Variants in OSGIN2 observed in about 807,000 individuals in gnomAD.
OSGIN2 encodes the protein oxidative stress induced growth inhibitor family member 2, also known as oxidative stress-induced growth inhibitor 2.
Under a neutral mutation model 53.8 loss-of-function variants are expected in OSGIN2, and 19 were observed. The observed-to-expected ratio is 0.35, with a 90% CI of 0.25 to 0.52. OSGIN2 has a LOEUF of 0.52. Among genes scored for constraint, OSGIN2 ranks in the 20% least tolerant of loss-of-function variants. OSGIN2 has a pLI of 0.95. For synonymous variants in OSGIN2, 236 were observed against 236.0 expected (o/e 1.00, Z 0.00); for missense variants, 520 against 662.7 (o/e 0.78, Z 2.36).
intron 5 of OSGIN2, among the ~76,000 whole-genome samples, chr8:89,922,109 A>G (rs574491165): frequency 2.6e-4 from 40 of 152,366 alleles, no homozygotes; most frequent in Admixed American, 1.7e-3. Context: ...TAAATATTAG[A>G]TAAGAATTAC....
At chr8:89,909,406 G>A (rs1399607879) in intron 1 of OSGIN2, among the ~76,000 whole-genome samples, 161 bp from the exon 2 acceptor site, 3 of 152,244 alleles carry the variant, frequency 2.0e-5, no homozygotes, top group East Asian at 1.9e-4. Context: ...GACATGTAGC[G>A]AAGCTACTAA....
intron 2 of OSGIN2, among the ~76,000 whole-genome samples, chr8:89,912,404 T>C (rs1309879572): frequency 2.0e-5 from 3 of 152,126 alleles, no homozygotes; most frequent in East Asian, 1.9e-4. Flanking sequence ...AGTAAAGAAG[T>C]TGACACAAGG....
chr8:89,903,486 C>T (rs1269526780), intron 1 of OSGIN2, among the ~76,000 whole-genome samples: 1 of 152,174 alleles, frequency 6.6e-6, no homozygotes, highest in Non-Finnish European at 1.5e-5. Context: ...GATTTTAACC[C>T]TGGGGTGAAG....
At chr8:89,913,986 G>A (rs1809023533) in intron 2 of OSGIN2, 91 bp from the exon 3 acceptor site, 1 of 1,063,188 alleles carries the variant, frequency 9.4e-7, no homozygotes, top group Admixed American at 2.3e-5. Context: ...ACTGGTCAGA[G>A]AAAAGAGCCA....
At chr8:89,907,173 G>T (rs1477530085) in intron 1 of OSGIN2, among the ~76,000 whole-genome samples, 2 of 152,108 alleles carry the variant, frequency 1.3e-5, no homozygotes, top group Non-Finnish European at 2.9e-5. Context: ...TTTGTTGGAT[G>T]CATAGTTTGC....
intron 1 of OSGIN2, among the ~76,000 whole-genome samples, chr8:89,907,745 T>C (rs542184264): frequency 4.3e-4 from 65 of 152,346 alleles, no homozygotes; most frequent in Non-Finnish European, 6.5e-4. Context: ...ATTTAGGCTC[T>C]TTTTTGGTTT....
At chr8:89,914,052 C>G in intron 2 of OSGIN2, 25 bp from the exon 3 acceptor site, 1 of 1,604,136 alleles carries the variant, frequency 6.2e-7, no homozygotes, top group Non-Finnish European at 8.5e-7. Context: ...ATGACCTACC[C>G]CTTTCCACCT....
At chr8:89,906,417 C>A (rs968511524) in intron 1 of OSGIN2, among the ~76,000 whole-genome samples, 1 of 152,150 alleles carries the variant, frequency 6.6e-6, no homozygotes, top group Non-Finnish European at 1.5e-5. Context: ...TTTCTTGATC[C>A]TCTCCCTCCT....
At chr8:89,919,790 C>T (rs1313060956) in intron 4 of OSGIN2, among the ~76,000 whole-genome samples, 1 of 152,190 alleles carries the variant, frequency 6.6e-6, no homozygotes, top group African/African-American at 2.4e-5. Flanking sequence ...GGAATATTTT[C>T]CCTTTCTAAT....
At chr8:89,901,911 G>C (rs1226944472), upstream of OSGIN2, 1 of 152,306 alleles carries the variant, frequency 6.6e-6, no homozygotes, top group Non-Finnish European at 1.5e-5. Flanking sequence ...CCGGCGTGCT[G>C]GTAATTCCTA....
At chr8:89,917,617 T>C (rs1392905331) in intron 4 of OSGIN2, among the ~76,000 whole-genome samples, 1 of 152,218 alleles carries the variant, frequency 6.6e-6, no homozygotes, top group African/African-American at 2.4e-5. Flanking sequence ...TAACCTTTGA[T>C]ATTTCCTTAT....
chr8:89,903,003 T>G (rs1175866490), intron 1 of OSGIN2, among the ~76,000 whole-genome samples, 166 bp downstream of exon 1: 1 of 151,494 alleles, frequency 6.6e-6, no homozygotes, highest in Non-Finnish European at 1.5e-5. Flanking sequence ...GGGTGCGGTG[T>G]GGTGGGGTCC....
intron 2 of OSGIN2, 54 bp from the exon 3 acceptor site, chr8:89,914,023 A>G: frequency 6.6e-7 from 1 of 1,511,738 alleles, no homozygotes; most frequent in Non-Finnish European, 9.1e-7. Context: ...AAAGCCAAGG[A>G]ACAAGAGTAT....
At chr8:89,917,038 TCC>T (rs1384589474) in intron 4 of OSGIN2, among the ~76,000 whole-genome samples, 1 of 152,214 alleles carries the variant, frequency 6.6e-6, no homozygotes, top group Non-Finnish European at 1.5e-5. Context: ...CCAGACTGTC[TCC>T]AGTTACTGAA....
Position 89,902,851 on chromosome 8 carries a change from C to T in OSGIN2, c.44+14C>T, listed in dbSNP as rs1435464214. ...CGGTCATTTCAGGTGACTTCCTCGC[C>T]GGGGATGGGAGGGGAGCAGGCGGGG... On this transcript the variant is annotated intron_variant, in intron 1 of 5. Transcript: ENST00000451899. The T allele has an allele frequency of 2.9e-6, 4 of 1,377,376 alleles. No homozygotes were observed. Among genetic ancestry groups the T allele is most frequent in the Admixed American group, 2.5e-5 (1 of 40,508 alleles). 85.3% of individuals were successfully genotyped at this position (1,377,376 alleles called of 1,614,324 possible).
At chr8:89,919,739 G>T (rs1205753557) in intron 4 of OSGIN2, among the ~76,000 whole-genome samples, 1 of 152,154 alleles carries the variant, frequency 6.6e-6, no homozygotes, top group African/African-American at 2.4e-5. Flanking sequence ...ACTCATATTT[G>T]CTCTCTTTAT....
chr8:89,912,296 A>G (rs547510091), intron 2 of OSGIN2, among the ~76,000 whole-genome samples: 1 of 152,376 alleles, frequency 6.6e-6, no homozygotes. Context: ...AAGCAATATC[A>G]GGATTTAGGA....
At chr8:89,902,983 G>A (rs1808757208) in intron 1 of OSGIN2, 146 bp downstream of exon 1, 3 of 386,444 alleles carry the variant, frequency 7.8e-6, no homozygotes, top group Non-Finnish European at 1.3e-5. Flanking sequence ...CCTGGCGTGG[G>A]GGTGGGGTGG....
chr8:89,909,147 A>G (rs543403010), intron 1 of OSGIN2, among the ~76,000 whole-genome samples: 116 of 150,702 alleles, frequency 7.7e-4, no homozygotes, highest in Middle Eastern at 3.5e-3. Flanking sequence ...TAATATATAA[A>G]TACCGTAACT....
Sources: allele counts gnomAD v4.1 joint callset (sites outside exome capture counted in the v4.1 genomes callset), GRCh38; gene constraint gnomAD v4.1.1; transcripts MANE v1.5; gene names NCBI Gene and HGNC (gene_info 2026-07-23, HGNC 2026-07-21).